Variants in SORCS3 observed in about 807,000 individuals in gnomAD.
The protein encoded by SORCS3 is sortilin related VPS10 domain containing receptor 3.
A neutral mutation model predicts 146.3 loss-of-function variants in SORCS3; 57 were observed. The observed-to-expected ratio is 0.39, with a 90% confidence interval of 0.31 to 0.49. SORCS3 has a LOEUF of 0.49. Among genes scored for constraint, SORCS3 ranks in the 20% least tolerant of loss-of-function variants. The probability of loss-of-function intolerance (pLI) is 0.92; values close to 1 mark genes in which losing one functional copy is unlikely to be tolerated. For missense variants in SORCS3, 1,341 were observed against 1,575.5 expected (o/e 0.85, Z 2.52); for synonymous variants, 653 against 618.5 (o/e 1.06, Z -0.83).
intron 6 of SORCS3, among the ~76,000 whole-genome samples, chr10:105,100,935 C>T (rs571389881): frequency 1.4e-4 from 22 of 152,334 alleles, no homozygotes; most frequent in Middle Eastern, 3.4e-3. Context: ...TGTGCCTCAC[C>T]GCTGAAAAGC....
intron 22 of SORCS3, among the ~76,000 whole-genome samples, chr10:105,250,696 G>A (rs1031647010): frequency 6.6e-6 from 1 of 152,020 alleles, no homozygotes; most frequent in Non-Finnish European, 1.5e-5. Context: ...GTAGTTAAAG[G>A]CCCCCAGCCT....
chr10:104,915,878 G>C lies in SORCS3; in HGVS notation c.741G>C (p.Val247=), dbSNP rs1431862514. 1.2e-6 allele frequency: 2 copies of C among 1,614,052 alleles called. No homozygotes were observed. The highest frequency in any genetic ancestry group is 3.3e-5 in the Admixed American group (2 of 60,000). Residue 247 remains valine (V), a synonymous_variant, in exon 3 of 27, where the codon GTG becomes GTC. Coordinates refer to ENST00000369701, the MANE Select transcript of SORCS3 (RefSeq NM_014978.3). ...GTTYEKLNDK[V]GLKTVLSYLY... ...CCTATGAAAAGCTGAATGACAAAGT[G>C]GGTTTGAAGACTGTCCTCAGTTACC...
intron 1 of SORCS3, among the ~76,000 whole-genome samples, chr10:104,807,447 T>C (rs1464997719): frequency 6.6e-6 from 1 of 152,116 alleles, no homozygotes; most frequent in Non-Finnish European, 1.5e-5. Flanking sequence ...CCTTTAAGAG[T>C]TCTTAAAACC....
intron 4 of SORCS3, among the ~76,000 whole-genome samples, chr10:105,017,019 T>C (rs555234229): frequency 6.6e-6 from 1 of 152,344 alleles, no homozygotes; most frequent in East Asian, 1.9e-4. Flanking sequence ...ACAATGACTT[T>C]GATGCAATAC....
intron 16 of SORCS3, among the ~76,000 whole-genome samples, chr10:105,209,495 C>G (rs1428220476): frequency 6.6e-6 from 1 of 152,192 alleles, no homozygotes. Flanking sequence ...ATATTTAATG[C>G]CTGAAATGTC....
chr10:104,802,491 G>T (rs1413656814), intron 1 of SORCS3, among the ~76,000 whole-genome samples: 1 of 152,146 alleles, frequency 6.6e-6, no homozygotes, highest in Admixed American at 6.5e-5. Context: ...ACTTATCCTG[G>T]GAATAGCCAG....
intron 2 of SORCS3, among the ~76,000 whole-genome samples, chr10:104,856,872 G>A (rs1170908294): frequency 6.9e-6 from 1 of 143,968 alleles, no homozygotes; most frequent in East Asian, 2.0e-4. Context: ...AAATAAATTA[G>A]AGATATATAT....
At chr10:105,177,162 TG>T (rs1261062238) in intron 13 of SORCS3, among the ~76,000 whole-genome samples, 3 of 152,072 alleles carry the variant, frequency 2.0e-5, no homozygotes, top group Non-Finnish European at 4.4e-5. Flanking sequence ...GGAGAAGGCC[TG>T]GGTATTATAG....
intron 1 of SORCS3, among the ~76,000 whole-genome samples, chr10:104,731,147 C>T (rs372629954): frequency 3.3e-5 from 5 of 152,170 alleles, no homozygotes; most frequent in South Asian, 4.2e-4. Context: ...CCGCTGAGCC[C>T]GCATTCCCTT....
intron 4 of SORCS3, among the ~76,000 whole-genome samples, chr10:104,981,997 A>G (rs1325131867): frequency 6.6e-6 from 1 of 152,172 alleles, no homozygotes; most frequent in East Asian, 1.9e-4. Context: ...TGTAAAAAGC[A>G]CTTTCTGAAA....
intron 2 of SORCS3, among the ~76,000 whole-genome samples, chr10:104,883,982 G>T (rs924967804): frequency 6.6e-6 from 1 of 151,730 alleles, no homozygotes; most frequent in Non-Finnish European, 1.5e-5. Context: ...GAATGAGGGG[G>T]GGGAAAGGGT....
intron 14 of SORCS3, among the ~76,000 whole-genome samples, chr10:105,197,834 G>A (rs2056552241): frequency 6.6e-6 from 1 of 152,102 alleles, no homozygotes; most frequent in Non-Finnish European, 1.5e-5. Context: ...CTGCCATCGA[G>A]CATATTGAGG....
intron 20 of SORCS3, among the ~76,000 whole-genome samples, chr10:105,228,253 C>G (rs1017803575): frequency 4.6e-5 from 7 of 151,580 alleles, no homozygotes; most frequent in Non-Finnish European, 2.9e-5. Context: ...CTTTTATCTT[C>G]CTTTTTTGTT....
At chr10:105,213,874 T>A (rs976737707) in intron 17 of SORCS3, among the ~76,000 whole-genome samples, 1 of 147,878 alleles carries the variant, frequency 6.8e-6, no homozygotes, top group African/African-American at 2.5e-5. Flanking sequence ...AGAAAAAAAA[T>A]GTGCTCTGAA....
intron 20 of SORCS3, among the ~76,000 whole-genome samples, chr10:105,228,780 G>A (rs542428732): frequency 6.6e-6 from 1 of 152,134 alleles, no homozygotes; most frequent in African/African-American, 2.4e-5. Flanking sequence ...TTTGAATTCT[G>A]TATTTGTCTT....
chr10:105,018,296 C>T (rs1315359723), intron 4 of SORCS3, among the ~76,000 whole-genome samples: 1 of 152,216 alleles, frequency 6.6e-6, no homozygotes, highest in African/African-American at 2.4e-5. Flanking sequence ...AAAGAGAGCT[C>T]CTTCCTCTAG....
chr10:104,911,218 C>T (rs181599771), intron 2 of SORCS3, among the ~76,000 whole-genome samples: 69 of 152,336 alleles, frequency 4.5e-4, no homozygotes, highest in Non-Finnish European at 8.4e-4. Flanking sequence ...TGTGCAGTGG[C>T]CATCCTGGAA....
chr10:104,693,122 G>A (rs2016133812), intron 1 of SORCS3, among the ~76,000 whole-genome samples: 3 of 152,174 alleles, frequency 2.0e-5, no homozygotes, highest in Admixed American at 1.3e-4. Context: ...AGTTTTAATA[G>A]CAGTAAGGTA....
At chr10:105,077,521 A>AACACACACACACAC (rs60182481) in intron 5 of SORCS3, among the ~76,000 whole-genome samples, 3 of 116,582 alleles carry the variant, frequency 2.6e-5, no homozygotes, top group African/African-American at 9.5e-5. Flanking sequence ...GACTAAATTA[A>AACACACACACACAC]ACACACACAC....
Sources: allele counts gnomAD v4.1 joint callset (sites outside exome capture counted in the v4.1 genomes callset), GRCh38; gene constraint gnomAD v4.1.1; transcripts MANE v1.5; gene names NCBI Gene and HGNC (gene_info 2026-07-23, HGNC 2026-07-21).